Variants in BCAS4 observed in about 807,000 individuals in gnomAD.
The protein encoded by BCAS4 is breast carcinoma amplified sequence 4.
Under a neutral mutation model 15.7 loss-of-function variants are expected in BCAS4, and 9 were observed. The observed-to-expected ratio is 0.57, with a 90% confidence interval of 0.34 to 1.00. The LOEUF (loss-of-function observed/expected upper bound fraction) is 1.00, where lower values mean the gene tolerates loss of function less well. Ranked by LOEUF, BCAS4 falls within the 50% of genes least tolerant of loss-of-function variation. The pLI is 0.02. For synonymous variants in BCAS4, 101 were observed against 99.5 expected (o/e 1.02, Z -0.09); for missense variants, 225 against 239.1 (o/e 0.94, Z 0.39).
chr20:50,840,892 C>T (rs369820796), intron 3 of BCAS4: 15 of 681,150 alleles, frequency 2.2e-5, no homozygotes, highest in African/African-American at 7.2e-5. Flanking sequence ...TGCAATGGCG[C>T]GATCTCAGCT....
chr20:50,802,798 C>T lies in BCAS4; in HGVS notation c.90+7625C>T, dbSNP rs570978825. ...CTGAGGCAGGAGAATCATTTGAACC[C>T]GGGAGGCAGAGTTTGTGGTGAGCCG... On this transcript the variant is annotated intron_variant, in intron 1 of 4. Transcript: ENST00000371608. 3.9e-5 allele frequency among the ~76,000 whole-genome samples: 6 copies of T among 152,118 alleles called. No homozygotes were observed. The East Asian group carries it at 9.7e-4, about 25-fold the overall frequency.
chr20:50,869,132 C>A (rs1979502600), intron 4 of BCAS4, among the ~76,000 whole-genome samples: 1 of 152,228 alleles, frequency 6.6e-6, no homozygotes, highest in South Asian at 2.1e-4. Context: ...GGATGAGAAA[C>A]CCTGCCTTAA....
intron 1 of BCAS4, among the ~76,000 whole-genome samples, chr20:50,814,074 G>A (rs1442640010): frequency 1.3e-5 from 2 of 152,140 alleles, no homozygotes; most frequent in Non-Finnish European, 2.9e-5. Flanking sequence ...GCCCATGGAT[G>A]ATTTGTGGGC....
At chr20:50,860,835 C>G (rs1197919203) in intron 4 of BCAS4, among the ~76,000 whole-genome samples, 1 of 152,076 alleles carries the variant, frequency 6.6e-6, no homozygotes, top group Non-Finnish European at 1.5e-5. Context: ...GATCATGCCA[C>G]TGTCCTTGAG....
intron 4 of BCAS4, among the ~76,000 whole-genome samples, chr20:50,867,344 TTTG>T (rs1049758424): frequency 6.6e-6 from 1 of 152,046 alleles, no homozygotes; most frequent in Non-Finnish European, 1.5e-5. Flanking sequence ...GTCTTGGGCT[TTTG>T]TTGTTGTTGT....
At chr20:50,855,263 T>A (rs1019919429) in intron 4 of BCAS4, among the ~76,000 whole-genome samples, 2 of 152,200 alleles carry the variant, frequency 1.3e-5, no homozygotes, top group African/African-American at 4.8e-5. Flanking sequence ...TCTTCCCATC[T>A]CCATCTCTGT....
intron 4 of BCAS4, among the ~76,000 whole-genome samples, 152 bp from the exon 5 acceptor site, chr20:50,876,329 GCCGGC>G (rs1979937876): frequency 1.3e-5 from 2 of 149,516 alleles, no homozygotes; most frequent in African/African-American, 5.1e-5. Context: ...CCTTTGGGTG[GCCGGC>G]TTTGGCTGTC....
At chr20:50,852,285 G>A (rs980032680) in intron 4 of BCAS4, among the ~76,000 whole-genome samples, 1 of 152,230 alleles carries the variant, frequency 6.6e-6, no homozygotes, top group Non-Finnish European at 1.5e-5. Flanking sequence ...GGTTGGGGCT[G>A]TGACTGGCAG....
chr20:50,798,846 G>A (rs754622773), intron 1 of BCAS4, among the ~76,000 whole-genome samples: 3 of 152,190 alleles, frequency 2.0e-5, no homozygotes, highest in Non-Finnish European at 2.9e-5. Context: ...ATGTCATTGT[G>A]TCACGGCAGT....
intron 3 of BCAS4, among the ~76,000 whole-genome samples, chr20:50,831,776 A>C (rs903396016): frequency 6.6e-6 from 1 of 152,104 alleles, no homozygotes; most frequent in South Asian, 2.1e-4. Context: ...GAGGACCCGG[A>C]GGCTGAGAGG....
chr20:50,859,978 AG>A (rs934272503), intron 4 of BCAS4, among the ~76,000 whole-genome samples: 4 of 152,048 alleles, frequency 2.6e-5, no homozygotes, highest in African/African-American at 9.7e-5. Context: ...CCATCTCAAA[AG>A]AAAAGAATTA....
intron 4 of BCAS4, among the ~76,000 whole-genome samples, chr20:50,844,434 T>C (rs1333961652): frequency 6.6e-6 from 1 of 151,888 alleles, no homozygotes; most frequent in African/African-American, 2.4e-5. Flanking sequence ...CAAGACCCTA[T>C]CTCTGAAAAT....
At chr20:50,825,853 GGAGA>G (rs1235394308) in intron 2 of BCAS4, among the ~76,000 whole-genome samples, 1 of 152,080 alleles carries the variant, frequency 6.6e-6, no homozygotes, top group African/African-American at 2.4e-5. Context: ...CTCCAGCCTG[GGAGA>G]GAGAGTGAGA....
At chr20:50,880,458 A>C (rs1980097859), downstream of BCAS4, 1 of 152,164 alleles carries the variant, frequency 6.6e-6, no homozygotes, top group African/African-American at 2.4e-5. Context: ...GGTAAGGGTA[A>C]CTGCAGCCTA....
In BCAS4 at chr20:50,853,444, C is replaced by A. The variant is rs540417866; in HGVS notation, c.399+11544C>A. On this transcript the variant is annotated intron_variant, in intron 4 of 4. Coordinates refer to ENST00000371608, the MANE Select transcript of BCAS4 (RefSeq NM_198799.4). ...TGTAAGCCACCTCACCCAGCCAACA[C>A]CCCCCTTTCTAATCGGAATGTCACC... 4.6e-5 allele frequency among the ~76,000 whole-genome samples: 7 copies of A among 152,222 alleles called. 1 individual carries two copies. The South Asian group carries it at 1.5e-3, about 32-fold the overall frequency.
At chr20:50,819,309 C>G (rs1264379157) in intron 2 of BCAS4, among the ~76,000 whole-genome samples, 1 of 152,136 alleles carries the variant, frequency 6.6e-6, no homozygotes, top group Non-Finnish European at 1.5e-5. Context: ...TTATTAGAGG[C>G]AAACCAGTAA....
intron 2 of BCAS4, among the ~76,000 whole-genome samples, chr20:50,820,137 A>G (rs1231004584): frequency 6.6e-6 from 1 of 152,178 alleles, no homozygotes; most frequent in Non-Finnish European, 1.5e-5. Flanking sequence ...GTGAGCCACC[A>G]TGCCCGGCTG....
intron 4 of BCAS4, among the ~76,000 whole-genome samples, chr20:50,863,370 G>T (rs2123839252): frequency 6.9e-6 from 1 of 144,586 alleles, no homozygotes; most frequent in East Asian, 2.1e-4. Flanking sequence ...CAATTCTCCT[G>T]CCTCAGCCTC....
intron 4 of BCAS4, among the ~76,000 whole-genome samples, chr20:50,844,751 C>A (rs1314378681): frequency 6.6e-6 from 1 of 152,130 alleles, no homozygotes; most frequent in East Asian, 1.9e-4. Context: ...TGTGGCATCC[C>A]CCCCCGGGGT....
Sources: gnomAD v4.1 joint callset for allele counts (sites outside exome capture counted in the v4.1 genomes callset) on GRCh38, gnomAD v4.1.1 for gene constraint, MANE v1.5 for transcripts, NCBI Gene and HGNC (gene_info 2026-07-23, HGNC 2026-07-21) for gene names.